Variants in IMMP2L observed in about 807,000 individuals in gnomAD.
IMMP2L encodes the protein mitochondrial inner membrane protease subunit 2.
A neutral mutation model predicts 19.3 loss-of-function variants in IMMP2L; 18 were observed. That is an observed-to-expected ratio of 0.93 (90% CI 0.64 to 1.38). The LOEUF (loss-of-function observed/expected upper bound fraction) is 1.38, where lower values mean the gene tolerates loss of function less well. Among genes scored for constraint, IMMP2L ranks in the 40% most tolerant of loss-of-function variants. The probability of loss-of-function intolerance (pLI) is 0.00; values close to 1 mark genes in which losing one functional copy is unlikely to be tolerated. For missense variants in IMMP2L, 233 were observed against 218.2 expected (o/e 1.07, Z -0.43); for synonymous variants, 76 against 73.0 (o/e 1.04, Z -0.21).
At chr7:111,447,236 A>G (rs1355901099) in intron 3 of IMMP2L, among the ~76,000 whole-genome samples, 6 of 133,808 alleles carry the variant, frequency 4.5e-5, no homozygotes, top group African/African-American at 1.8e-4. Flanking sequence ...GAGAAGAGCA[A>G]CTCCAAGACA....
At chr7:110,739,911 C>A (rs1411079826) in intron 5 of IMMP2L, among the ~76,000 whole-genome samples, 1 of 152,058 alleles carries the variant, frequency 6.6e-6, no homozygotes, top group Non-Finnish European at 1.5e-5. Flanking sequence ...CAAAAGGAAC[C>A]CTCAAAATCA....
intron 5 of IMMP2L, among the ~76,000 whole-genome samples, chr7:110,845,239 T>A (rs1229570033): frequency 6.6e-6 from 1 of 152,128 alleles, no homozygotes; most frequent in Non-Finnish European, 1.5e-5. Context: ...GAATTAATAT[T>A]AGGTTAATGT....
chr7:111,128,506 T>C (rs1195756874), intron 3 of IMMP2L, among the ~76,000 whole-genome samples: 6 of 152,194 alleles, frequency 3.9e-5, no homozygotes, highest in African/African-American at 1.2e-4. Flanking sequence ...ACTAGCCTAA[T>C]AGTATTCTTT....
chr7:110,715,785 A>C (rs1589882), intron 5 of IMMP2L, among the ~76,000 whole-genome samples: 112,424 of 151,966 alleles, frequency 0.74, 42,064 homozygotes, highest in East Asian at 0.83. Context: ...GTCAAGTATC[A>C]AACTTAAGTT....
At chr7:111,513,492 T>C (rs1045339546) in intron 2 of IMMP2L, among the ~76,000 whole-genome samples, 2 of 152,110 alleles carry the variant, frequency 1.3e-5, no homozygotes, top group African/African-American at 2.4e-5. Flanking sequence ...AAGAGAACCC[T>C]TGTGCTCTAT....
At chr7:111,312,521 A>G (rs1823630510) in intron 3 of IMMP2L, among the ~76,000 whole-genome samples, 1 of 152,118 alleles carries the variant, frequency 6.6e-6, no homozygotes, top group African/African-American at 2.4e-5. Flanking sequence ...TGTTTACGTG[A>G]CTATCCTTGA....
intron 3 of IMMP2L, among the ~76,000 whole-genome samples, chr7:111,168,581 C>G (rs1806090924): frequency 6.6e-6 from 1 of 151,858 alleles, no homozygotes; most frequent in African/African-American, 2.4e-5. Flanking sequence ...TTTTTTACCC[C>G]TGCCTTTGAA....
At chr7:111,319,954 A>G (rs560237312) in intron 3 of IMMP2L, among the ~76,000 whole-genome samples, 8 of 152,120 alleles carry the variant, frequency 5.3e-5, no homozygotes, top group Non-Finnish European at 8.8e-5. Flanking sequence ...TAGTACTATT[A>G]ACTGGAGCTC....
At chr7:111,052,084 T>C (rs926333787) in intron 3 of IMMP2L, among the ~76,000 whole-genome samples, 1 of 152,202 alleles carries the variant, frequency 6.6e-6, no homozygotes, top group African/African-American at 2.4e-5. Context: ...CTCCAAACTG[T>C]CTCTGGTATA....
chr7:111,343,855 G>A (rs1056383533), intron 3 of IMMP2L, among the ~76,000 whole-genome samples: 2 of 152,030 alleles, frequency 1.3e-5, no homozygotes, highest in African/African-American at 2.4e-5. Flanking sequence ...GTAAAGTGAG[G>A]AACCTTCACC....
chr7:110,869,479 T>C (rs1808327697), intron 5 of IMMP2L, among the ~76,000 whole-genome samples: 1 of 152,214 alleles, frequency 6.6e-6, no homozygotes, highest in Admixed American at 6.5e-5. Context: ...TACAACCCAC[T>C]TCCTCAGGCA....
chr7:111,446,227 C>T (rs1024688369), intron 3 of IMMP2L, among the ~76,000 whole-genome samples: 1 of 152,140 alleles, frequency 6.6e-6, no homozygotes, highest in Non-Finnish European at 1.5e-5. Flanking sequence ...GGCCTGCCTG[C>T]CTCTGTAGGC....
chr7:111,494,596 A>G (rs1165397138), intron 2 of IMMP2L, among the ~76,000 whole-genome samples: 1 of 152,162 alleles, frequency 6.6e-6, no homozygotes, highest in Non-Finnish European at 1.5e-5. Context: ...TCTTGTCTCC[A>G]TTTCTTATTA....
At chr7:110,694,758 A>T (rs1235277384) in intron 5 of IMMP2L, among the ~76,000 whole-genome samples, 1 of 152,224 alleles carries the variant, frequency 6.6e-6, no homozygotes, top group East Asian at 1.9e-4. Flanking sequence ...AACAGACTCA[A>T]ACAAATACTT....
intron 3 of IMMP2L, among the ~76,000 whole-genome samples, chr7:111,442,614 T>C (rs954664322): frequency 3.3e-5 from 5 of 151,736 alleles, no homozygotes; most frequent in African/African-American, 1.2e-4. Flanking sequence ...AAGGCCGAAG[T>C]GTCAACCGCA....
At chr7:111,063,183 T>C (rs909061203) in intron 3 of IMMP2L, among the ~76,000 whole-genome samples, 2 of 152,156 alleles carry the variant, frequency 1.3e-5, no homozygotes, top group African/African-American at 4.8e-5. Context: ...TTGCCAAACC[T>C]CAATTCTTGA....
chr7:111,517,998 T>A (rs1846014139), intron 2 of IMMP2L, among the ~76,000 whole-genome samples: 1 of 152,102 alleles, frequency 6.6e-6, no homozygotes, highest in African/African-American at 2.4e-5. Context: ...ATAAACTAAA[T>A]CCTATTTTCC....
intron 3 of IMMP2L, among the ~76,000 whole-genome samples, chr7:111,023,838 T>C (rs935648477): frequency 6.6e-6 from 1 of 152,248 alleles, no homozygotes; most frequent in African/African-American, 2.4e-5. Context: ...GAATCACATA[T>C]GCATTGCTAT....
At position 111,512,229 on chromosome 7, in the gene IMMP2L, A is replaced by G. The variant is rs1477700709; in HGVS notation, c.135+9084T>C. ...ACAAAATGCTAATACATAGTACAAC[A>G]TGGCTAAACCTCAAAAAAATCTAGT... On this transcript the variant is annotated intron_variant, in intron 2 of 5. Coordinates refer to ENST00000405709, the MANE Select transcript of IMMP2L (RefSeq NM_032549.4). Among the ~76,000 whole-genome samples, 4 of 152,214 alleles carry G rather than the reference A, an allele frequency of 2.6e-5. No homozygotes were observed. The East Asian group carries it at 7.7e-4, about 29-fold the overall frequency.
Sources: allele counts gnomAD v4.1 joint callset (sites outside exome capture counted in the v4.1 genomes callset), GRCh38; gene constraint gnomAD v4.1.1; transcripts MANE v1.5; gene names NCBI Gene and HGNC (gene_info 2026-07-23, HGNC 2026-07-21).